The following NOMO2 variants were observed in gnomAD, a reference collection of about 807,000 sequenced individuals.
NOMO2 encodes the protein NODAL modulator 2.
NOMO2 carries 14 observed loss-of-function variants against 67.1 expected under a neutral mutation model. The observed-to-expected ratio is 0.21, with a 90% CI of 0.14 to 0.33. NOMO2 has a LOEUF of 0.33. Ranked by LOEUF, NOMO2 falls within the 10% of genes least tolerant of loss-of-function variation. NOMO2 has a pLI of 1.00. For missense variants in NOMO2, 178 were observed against 761.0 expected (o/e 0.23, Z 9.01); for synonymous variants, 80 against 305.9 (o/e 0.26, Z 7.71).
chr16:18,535,847 A>G (rs1470902975), intron 11 of NOMO2, among the ~76,000 whole-genome samples: 1 of 151,840 alleles, frequency 6.6e-6, no homozygotes. Flanking sequence ...GCCAGGCTGG[A>G]GTGCAATGGT....
intron 11 of NOMO2, among the ~76,000 whole-genome samples, chr16:18,535,409 C>T (rs1316942662): frequency 1.3e-5 from 2 of 151,396 alleles, no homozygotes; most frequent in Non-Finnish European, 2.9e-5. Context: ...AAGAGATTTT[C>T]CAAAAATGTT....
Position 18,538,525 on chromosome 16 carries a change from C to T in NOMO2, c.1220+1G>A. The T allele has an allele frequency of 6.2e-7, 1 of 1,613,562 alleles. No homozygotes were observed. The highest frequency in any genetic ancestry group is 1.3e-5 in the African/African-American group (1 of 74,990). ...CTTCCAAATCCACACGATAAGCTTA[C>T]CCTGTTGCAACAATGTCAGCCAGCT... On this transcript the variant is annotated splice_donor_variant, in intron 11 of 30. Coordinates refer to ENST00000622306, the MANE Select transcript of NOMO2 (RefSeq NM_173614.4). LOFTEE classifies it high-confidence loss of function.
chr16:18,529,431 A>T, intron 15 of NOMO2, 70 bp downstream of exon 15: 2 of 1,611,446 alleles, frequency 1.2e-6, no homozygotes, highest in Non-Finnish European at 1.7e-6. Flanking sequence ...TATTCCTGGG[A>T]TGTTAGTCTT....
Position 18,533,176 on chromosome 16 carries a change from G to C in NOMO2, c.1224C>G (p.Phe408Leu), listed in dbSNP as rs1439842500. The C allele has an allele frequency of 6.2e-7, 1 of 1,611,276 alleles. No individual in the cohort carries two copies. Among genetic ancestry groups the C allele is most frequent in the African/African-American group, 1.3e-5 (1 of 74,758 alleles). Residue 408 changes from phenylalanine to leucine, a missense_variant, in exon 12 of 31, where the codon TTC becomes TTG. By Grantham distance (22) the Phe-to-Leu change is conservative. Coordinates refer to ENST00000622306, the MANE Select transcript of NOMO2 (RefSeq NM_173614.4). ...PQLADIVATGFSVCGRISIIR... is the reference protein window; with the variant it reads ...PQLADIVATGLSVCGRISIIR... ...TGATTGATATCCGACCACAGACACTGAACCTGCAAAGAGAAGACCATTCAT... is the reference window on the plus strand; with the variant it reads ...TGATTGATATCCGACCACAGACACTCAACCTGCAAAGAGAAGACCATTCAT...
At chr16:18,526,269 A>C (rs1901144321) in intron 16 of NOMO2, among the ~76,000 whole-genome samples, 5 of 152,102 alleles carry the variant, frequency 3.3e-5, no homozygotes, top group Admixed American at 3.3e-4. Context: ...ACAATAACAA[A>C]TGTTGGCGAA....
chr16:18,559,026 G>C (rs1901977984), intron 1 of NOMO2, among the ~76,000 whole-genome samples: 1 of 151,810 alleles, frequency 6.6e-6, no homozygotes, highest in African/African-American at 2.4e-5. Flanking sequence ...AGCTAGGCAT[G>C]ATGGCACGTG....
intron 11 of NOMO2, chr16:18,533,629 G>A (rs1901355401): frequency 6.0e-6 from 1 of 166,048 alleles, no homozygotes; most frequent in African/African-American, 2.4e-5. Context: ...AATAAGTCAG[G>A]ATTATCAAAG....
At chr16:18,552,858 A>T (rs1309360716) in intron 3 of NOMO2, among the ~76,000 whole-genome samples, 2 of 152,102 alleles carry the variant, frequency 1.3e-5, no homozygotes, top group Non-Finnish European at 1.5e-5. Context: ...ATGCAGACAC[A>T]TGTATCAAAA....
intron 7 of NOMO2, among the ~76,000 whole-genome samples, chr16:18,543,221 C>G (rs1439604809): frequency 1.3e-5 from 2 of 148,570 alleles, no homozygotes; most frequent in Non-Finnish European, 3.0e-5. Flanking sequence ...CTCTGTCACC[C>G]AGGCTGGAGT....
chr16:18,526,495 C>T (rs1176237319), intron 16 of NOMO2, among the ~76,000 whole-genome samples: 1 of 151,844 alleles, frequency 6.6e-6, no homozygotes, highest in African/African-American at 2.4e-5. Flanking sequence ...ATAACAGCGT[C>T]AAACTGGAAA....
intron 15 of NOMO2, 53 bp downstream of exon 15, chr16:18,529,448 C>T: frequency 1.9e-6 from 3 of 1,611,546 alleles, no homozygotes; most frequent in South Asian, 1.1e-5. Context: ...TCTTTCTTGA[C>T]ATCCACAAGG....
intron 11 of NOMO2, 81 bp from the exon 12 acceptor site, chr16:18,533,260 C>A (rs1290717905): frequency 6.8e-7 from 1 of 1,465,364 alleles, no homozygotes; most frequent in African/African-American, 1.4e-5. Context: ...AAAGATGCAG[C>A]CCTCTCCCAG....
chr16:18,526,714 A>AC (rs1376354126), intron 16 of NOMO2, among the ~76,000 whole-genome samples: 1 of 151,892 alleles, frequency 6.6e-6, no homozygotes, highest in Admixed American at 6.6e-5. Flanking sequence ...GGGGACAGAA[A>AC]ATAGATCAGT....
In NOMO2 at chr16:18,530,614, CTT is replaced by C. The variant is rs770550799; in HGVS notation, c.1669+421_1669+422del. ...CTTTATAAACTTTACTTCTTTTAGT[CTT>C]ATATTCTGCAGAAAGGTTCCATTAC... On this transcript the variant is annotated intron_variant, in intron 14 of 30. Coordinates refer to ENST00000622306, the MANE Select transcript of NOMO2 (RefSeq NM_173614.4). 1.9e-3 allele frequency among the ~76,000 whole-genome samples: 282 copies of C among 148,172 alleles called. 12 individuals are homozygous for C. The highest frequency in any genetic ancestry group is 3.2e-3 in the Non-Finnish European group (211 of 66,458).
chr16:18,528,279 A>G (rs1901195658), intron 15 of NOMO2, among the ~76,000 whole-genome samples: 1 of 151,514 alleles, frequency 6.6e-6, no homozygotes, highest in Admixed American at 6.6e-5. Context: ...AAAAAAAAAA[A>G]GGATCTTATT....
intron 11 of NOMO2, among the ~76,000 whole-genome samples, chr16:18,536,560 A>G (rs1247168113): frequency 2.0e-5 from 3 of 151,966 alleles, no homozygotes; most frequent in Non-Finnish European, 4.4e-5. Context: ...CAAGTTGCCC[A>G]GGCTGGTCTC....
chr16:18,529,008 T>C (rs1248593679), intron 15 of NOMO2, among the ~76,000 whole-genome samples: 8 of 18,336 alleles, frequency 4.4e-4, no homozygotes, highest in East Asian at 1.1e-3. Context: ...TATATATATA[T>C]ATATATATAT....
intron 1 of NOMO2, among the ~76,000 whole-genome samples, chr16:18,561,173 TAAAAAAAAA>T (rs756246897): frequency 0.044 from 1,418 of 32,516 alleles, 31 homozygotes; most frequent in Admixed American, 0.065. Flanking sequence ...ACAACTTAAT[TAAAAAAAAA>T]AAAAAAAAAA....
Position 18,536,092 on chromosome 16 carries a change from G to C in NOMO2, c.1220+2434C>G, listed in dbSNP as rs1004905123. Among the ~76,000 whole-genome samples the C allele has an allele frequency of 2.2e-4, 34 of 152,114 alleles. 1 individual carries two copies. Among genetic ancestry groups the C allele is most frequent in the African/African-American group, 6.3e-4 (26 of 41,530 alleles). On this transcript the variant is annotated intron_variant, in intron 11 of 30. Transcript: ENST00000622306. ...ATCATAGGCGTGAGCCACCATGCCC[G>C]GCCAACCAACAGACAACTCCTAACG...
Sources: gnomAD v4.1 joint callset for allele counts (sites outside exome capture counted in the v4.1 genomes callset) on GRCh38, gnomAD v4.1.1 for gene constraint, MANE v1.5 for transcripts, NCBI Gene and HGNC (gene_info 2026-07-23, HGNC 2026-07-21) for gene names.